The following CSMD1 variants were observed in gnomAD, a reference collection of about 807,000 sequenced individuals.
The protein encoded by CSMD1 is CUB and Sushi multiple domains 1.
CSMD1 carries 213 observed loss-of-function variants against 417.5 expected under a neutral mutation model. The observed-to-expected ratio is 0.51, with a 90% CI of 0.46 to 0.57. CSMD1 has a LOEUF of 0.57. Among genes scored for constraint, CSMD1 ranks in the 20% least tolerant of loss-of-function variants. CSMD1 has a pLI of 0.00. For missense variants in CSMD1, 6,923 were observed against 4,529.7 expected, an observed-to-expected ratio of 1.53 and a Z score of -15.17; for synonymous variants, 2,862 against 1,736.8, an observed-to-expected ratio of 1.65 and a Z score of -16.11.
intron 5 of CSMD1, among the ~76,000 whole-genome samples, chr8:3,924,661 T>C (rs934517278): frequency 4.6e-5 from 7 of 152,296 alleles, no homozygotes; most frequent in African/African-American, 1.7e-4. Context: ...ACTTCTTTAA[T>C]TTTTTCAGTG....
intron 54 of CSMD1, among the ~76,000 whole-genome samples, chr8:2,996,667 T>C (rs1369247911): frequency 1.3e-5 from 2 of 152,140 alleles, no homozygotes; most frequent in African/African-American, 4.8e-5. Flanking sequence ...GTCATAAGAG[T>C]TCAACTGCCA....
At chr8:3,118,700 T>G in intron 41 of CSMD1, 113 bp from the exon 42 acceptor site, 1 of 876,584 alleles carries the variant, frequency 1.1e-6, no homozygotes, top group African/African-American at 1.7e-5. Context: ...TTGGATAAGT[T>G]TAATAAGGTA....
At chr8:2,942,173 G>T (rs142314616) in intron 69 of CSMD1, among the ~76,000 whole-genome samples, 3 of 152,038 alleles carry the variant, frequency 2.0e-5, no homozygotes, top group Non-Finnish European at 2.9e-5. Context: ...TGGGGCCTGT[G>T]GGGGGCTGGA....
At chr8:3,460,700 C>G (rs1048129010) in intron 12 of CSMD1, among the ~76,000 whole-genome samples, 18 of 152,116 alleles carry the variant, frequency 1.2e-4, no homozygotes, top group African/African-American at 4.3e-4. Context: ...CATAAACCAC[C>G]AATGTCGCTA....
intron 3 of CSMD1, among the ~76,000 whole-genome samples, chr8:4,129,466 T>C (rs1361809711): frequency 6.6e-6 from 1 of 152,168 alleles, no homozygotes; most frequent in African/African-American, 2.4e-5. Context: ...GAGATAAAAA[T>C]TGTGAAGTTT....
chr8:4,180,090 A>AG (rs1798270034), intron 3 of CSMD1, among the ~76,000 whole-genome samples: 4 of 152,102 alleles, frequency 2.6e-5, no homozygotes, highest in Admixed American at 6.6e-5. Flanking sequence ...ATATACCCAA[A>AG]GACTATAAAT....
intron 69 of CSMD1, among the ~76,000 whole-genome samples, chr8:2,941,743 A>G (rs550402942): frequency 6.6e-6 from 1 of 152,332 alleles, no homozygotes; most frequent in East Asian, 1.9e-4. Context: ...TGCTTACTAC[A>G]TATAAAGAGC....
intron 32 of CSMD1, among the ~76,000 whole-genome samples, chr8:3,200,112 T>A (rs951984668): frequency 6.6e-6 from 1 of 152,102 alleles, no homozygotes. Context: ...AAAGGGTGAA[T>A]CATTTGCTCA....
At chr8:4,401,133 T>A (rs1394727304) in intron 3 of CSMD1, among the ~76,000 whole-genome samples, 1 of 152,148 alleles carries the variant, frequency 6.6e-6, no homozygotes, top group Non-Finnish European at 1.5e-5. Context: ...AAAGCTTCTG[T>A]TTGAAGCTGG....
intron 37 of CSMD1, among the ~76,000 whole-genome samples, chr8:3,173,199 G>C (rs1207874243): frequency 6.6e-6 from 1 of 152,258 alleles, no homozygotes; most frequent in Non-Finnish European, 1.5e-5. Flanking sequence ...ATCACCAGTA[G>C]GAGTAAAATT....
chr8:4,980,501 G>C (rs1006613095), intron 1 of CSMD1, among the ~76,000 whole-genome samples: 3 of 152,204 alleles, frequency 2.0e-5, no homozygotes, highest in Non-Finnish European at 4.4e-5. Flanking sequence ...AAAATGAAAG[G>C]AGAATTCCTT....
At chr8:4,524,315 A>C (rs1796396133) in intron 2 of CSMD1, among the ~76,000 whole-genome samples, 1 of 152,140 alleles carries the variant, frequency 6.6e-6, no homozygotes, top group South Asian at 2.1e-4. Context: ...GCTAGTAAAA[A>C]GGTACTATTC....
intron 3 of CSMD1, among the ~76,000 whole-genome samples, chr8:4,118,332 G>C (rs1446484207): frequency 1.3e-5 from 2 of 151,652 alleles, no homozygotes; most frequent in African/African-American, 2.4e-5. Context: ...CTTAAAAATA[G>C]AAGCTTTGCA....
At chr8:4,861,794 T>C (rs188577517) in intron 1 of CSMD1, among the ~76,000 whole-genome samples, 1 of 152,148 alleles carries the variant, frequency 6.6e-6, no homozygotes, top group East Asian at 1.9e-4. Flanking sequence ...AAATAACTTT[T>C]TGCTCAAAAT....
chr8:4,205,365 A>C (rs1449409767), intron 3 of CSMD1, among the ~76,000 whole-genome samples: 1 of 152,222 alleles, frequency 6.6e-6, no homozygotes, highest in Non-Finnish European at 1.5e-5. Context: ...GTCACAAGGG[A>C]AAAAGTGTGA....
chr8:4,254,351 T>C (rs536913587), intron 3 of CSMD1, among the ~76,000 whole-genome samples: 3 of 152,178 alleles, frequency 2.0e-5, no homozygotes, highest in Admixed American at 6.5e-5. Context: ...TCTGCTTGTA[T>C]AGGGAAGTAC....
chr8:3,125,015 T>C (rs1368119122), intron 41 of CSMD1, among the ~76,000 whole-genome samples: 1 of 152,238 alleles, frequency 6.6e-6, no homozygotes, highest in Non-Finnish European at 1.5e-5. Context: ...TACTTAAATA[T>C]TAATACCGAT....
At chr8:3,430,054 G>A (rs139437491) in intron 12 of CSMD1, among the ~76,000 whole-genome samples, 1 of 152,040 alleles carries the variant, frequency 6.6e-6, no homozygotes, top group Non-Finnish European at 1.5e-5. Context: ...AAATATAATT[G>A]CCAAGTATGT....
chr8:3,907,672 C>A (rs1037560177), intron 5 of CSMD1, among the ~76,000 whole-genome samples: 2 of 152,148 alleles, frequency 1.3e-5, no homozygotes, highest in Admixed American at 1.3e-4. Flanking sequence ...AAGATTCAGG[C>A]AGAGATCCTG....
Sources: allele counts gnomAD v4.1 joint callset (sites outside exome capture counted in the v4.1 genomes callset), GRCh38; gene constraint gnomAD v4.1.1; transcripts MANE v1.5; gene names NCBI Gene and HGNC (gene_info 2026-07-23, HGNC 2026-07-21).